Variants in NBEA observed in about 807,000 individuals in gnomAD.
NBEA encodes lysosomal-trafficking regulator 2.
In NBEA, 44 loss-of-function variants were observed where a neutral mutation model predicts 343.4. The ratio of observed to expected loss-of-function variants is 0.13; its 90% CI spans 0.10 to 0.16. NBEA has a LOEUF of 0.16. NBEA is among the 10% of genes least tolerant of loss of function. NBEA has a pLI of 1.00. For missense variants in NBEA, 2,555 were observed against 3,631.3 expected (o/e 0.70, Z 7.62); for synonymous variants, 1,175 against 1,238.7 (o/e 0.95, Z 1.08).
In NBEA at chr13:35,045,401, G is replaced by T. The variant is rs753557951; in HGVS notation, c.723G>T (p.Ala241=). The T allele has an allele frequency of 2.5e-6, 4 of 1,601,122 alleles. No individual in the cohort carries two copies. The South Asian group carries it at 3.4e-5, about 13-fold the overall frequency. The change falls in exon 4 of 59, where the codon GCG becomes GCT. Residue 241 remains alanine (A), a splice_region_variant and synonymous_variant. Transcript: ENST00000379939. ...TFFNFPGCSA[A]AIALPPIAKW... is the part of the protein sequence containing the mutation. ...TCAATTTCCCTGGTTGTAGCGCTGC[G>T]GTAAGTTTTAAATACATGTGCTGAT...
intron 38 of NBEA, among the ~76,000 whole-genome samples, chr13:35,357,031 T>C (rs2040529158): frequency 1.3e-5 from 2 of 152,204 alleles, no homozygotes. Context: ...CCTGATATTA[T>C]GGACTTTCAT....
At chr13:35,377,735 GA>G (rs1450530268) in intron 38 of NBEA, among the ~76,000 whole-genome samples, 1 of 152,094 alleles carries the variant, frequency 6.6e-6, no homozygotes, top group Non-Finnish European at 1.5e-5. Context: ...GGAAGCATTT[GA>G]CTCTTGCCTT....
chr13:35,260,527 A>G (rs2033112831), intron 34 of NBEA, among the ~76,000 whole-genome samples: 1 of 152,228 alleles, frequency 6.6e-6, no homozygotes, highest in Admixed American at 6.5e-5. Context: ...AGTACAAGAA[A>G]GGGAATTTCC....
chr13:35,046,561 A>G (rs913428101), intron 4 of NBEA, among the ~76,000 whole-genome samples: 5 of 152,180 alleles, frequency 3.3e-5, no homozygotes, highest in African/African-American at 4.8e-5. Flanking sequence ...TGAACCATCT[A>G]TATAATACAT....
intron 34 of NBEA, among the ~76,000 whole-genome samples, chr13:35,237,908 ATTAG>A (rs2075308975): frequency 6.6e-6 from 1 of 151,872 alleles, no homozygotes; most frequent in Non-Finnish European, 1.5e-5. Context: ...TATTACTTTG[ATTAG>A]TTAGCTTGTG....
At chr13:35,443,680 T>C (rs749077077) in intron 39 of NBEA, among the ~76,000 whole-genome samples, 4 of 151,948 alleles carry the variant, frequency 2.6e-5, no homozygotes, top group Admixed American at 6.6e-5. Context: ...CTTGCTTTCA[T>C]AAAATAATTT....
chr13:34,956,748 TAC>T (rs2059505247), intron 1 of NBEA, among the ~76,000 whole-genome samples: 1 of 152,168 alleles, frequency 6.6e-6, no homozygotes, highest in South Asian at 2.1e-4. Flanking sequence ...TTTTAAAGTT[TAC>T]AGTTTGGTGG....
At chr13:35,024,833 C>T (rs754208460) in intron 1 of NBEA, among the ~76,000 whole-genome samples, 1 of 152,136 alleles carries the variant, frequency 6.6e-6, no homozygotes, top group Non-Finnish European at 1.5e-5. Flanking sequence ...ACTTTGCTAA[C>T]ATCTATTATT....
intron 40 of NBEA, among the ~76,000 whole-genome samples, chr13:35,454,500 T>G (rs2046459795): frequency 6.6e-6 from 1 of 152,166 alleles, no homozygotes; most frequent in African/African-American, 2.4e-5. Flanking sequence ...TAACATGTCA[T>G]TCTAAGTAGC....
chr13:35,498,404 G>T (rs1043222251), intron 41 of NBEA, among the ~76,000 whole-genome samples: 2 of 151,972 alleles, frequency 1.3e-5, no homozygotes, highest in Non-Finnish European at 2.9e-5. Flanking sequence ...GAGTCCTCTG[G>T]CATTGATGAC....
At chr13:35,296,209 C>T (rs1308093642) in intron 35 of NBEA, among the ~76,000 whole-genome samples, 2 of 151,718 alleles carry the variant, frequency 1.3e-5, no homozygotes, top group South Asian at 2.1e-4. Context: ...TAGTGAAACC[C>T]GTCTCTACTA....
intron 47 of NBEA, among the ~76,000 whole-genome samples, chr13:35,597,462 T>C (rs149298171): frequency 1.5e-3 from 224 of 152,318 alleles, no homozygotes; most frequent in Middle Eastern, 3.4e-3. Context: ...ATCTTAAGCA[T>C]GCAATCTAGT....
At chr13:35,513,017 T>C (rs570807195) in intron 41 of NBEA, among the ~76,000 whole-genome samples, 1 of 152,236 alleles carries the variant, frequency 6.6e-6, no homozygotes, top group East Asian at 1.9e-4. Flanking sequence ...ACTATACAGG[T>C]TTTTTTAAAA....
At chr13:34,968,661 C>T (rs1593311188) in intron 1 of NBEA, among the ~76,000 whole-genome samples, 1 of 152,124 alleles carries the variant, frequency 6.6e-6, no homozygotes, top group African/African-American at 2.4e-5. Context: ...TTTGCAGACC[C>T]TTGCTTTAGA....
At chr13:35,008,210 A>G (rs1928525) in intron 1 of NBEA, among the ~76,000 whole-genome samples, 47,223 of 152,028 alleles carry the variant, frequency 0.31, 8,219 homozygotes, top group Middle Eastern at 0.52. Context: ...GCTATAGTTC[A>G]CCATTTTAAC....
intron 38 of NBEA, among the ~76,000 whole-genome samples, chr13:35,430,501 G>T (rs554774400): frequency 6.6e-6 from 1 of 152,040 alleles, no homozygotes; most frequent in Non-Finnish European, 1.5e-5. Flanking sequence ...CTGGGTTCTT[G>T]GTCATGAAGT....
At chr13:35,158,444 C>T (rs1406442100) in intron 21 of NBEA, among the ~76,000 whole-genome samples, 1 of 148,502 alleles carries the variant, frequency 6.7e-6, no homozygotes, top group African/African-American at 2.5e-5. Context: ...GGTCTTTGTG[C>T]AAAAAAAAAG....
intron 41 of NBEA, among the ~76,000 whole-genome samples, chr13:35,542,577 T>G (rs1005859540): frequency 2.0e-5 from 3 of 152,276 alleles, no homozygotes; most frequent in Non-Finnish European, 2.9e-5. Context: ...TGAAGATTTC[T>G]TTATTGTGTA....
rs556747017 is a variant in NBEA, at chr13:35,558,723, G to T, written c.6922+3621G>T. ...TGCCTTTCAGCAAGCCCTCTAGTTG[G>T]TTCTGATACAAAAAGTTTGAGCACA... On this transcript the variant is annotated intron_variant, in intron 44 of 58. Transcript: ENST00000379939. Among the ~76,000 whole-genome samples the T allele has an allele frequency of 4.6e-5, 7 of 152,264 alleles. No individual in the cohort carries two copies. The East Asian group carries it at 1.4e-3, about 29-fold the overall frequency.
Sources: allele counts gnomAD v4.1 joint callset (sites outside exome capture counted in the v4.1 genomes callset), GRCh38; gene constraint gnomAD v4.1.1; transcripts MANE v1.5; gene names NCBI Gene and HGNC (gene_info 2026-07-23, HGNC 2026-07-21).